Variants in SPOCK3 observed in about 807,000 individuals in gnomAD.
SPOCK3 encodes the protein SPARC (osteonectin), cwcv and kazal like domains proteoglycan 3, also known as testican-3.
A neutral mutation model predicts 56.6 loss-of-function variants in SPOCK3; 30 were observed. The observed-to-expected ratio is 0.53, with a 90% CI of 0.40 to 0.72. The LOEUF is 0.72. SPOCK3 is among the 30% of genes least tolerant of loss of function. The pLI, the probability that SPOCK3 is intolerant of heterozygous loss-of-function variation, is 0.00. For synonymous variants in SPOCK3, 196 were observed against 183.3 expected, an observed-to-expected ratio of 1.07 and a Z score of -0.56; for missense variants, 527 against 530.0, an observed-to-expected ratio of 0.99 and a Z score of 0.06.
At chr4:166,883,256 G>T (rs536738271) in intron 6 of SPOCK3, 1 of 152,204 alleles carries the variant, frequency 6.6e-6, no homozygotes, top group East Asian at 1.9e-4. Flanking sequence ...GGGTTCCATA[G>T]CACTCAGAGT....
intron 6 of SPOCK3, among the ~76,000 whole-genome samples, chr4:166,795,312 A>C (rs1741818145): frequency 6.6e-6 from 1 of 152,176 alleles, no homozygotes; most frequent in Non-Finnish European, 1.5e-5. Context: ...CTACACAGAA[A>C]TACTGTATAG....
intron 6 of SPOCK3, among the ~76,000 whole-genome samples, chr4:166,881,146 G>T (rs1462373213): frequency 1.3e-5 from 2 of 151,808 alleles, no homozygotes; most frequent in Non-Finnish European, 2.9e-5. Flanking sequence ...TTTTACTTTT[G>T]TAATGTTTTT....
intron 2 of SPOCK3, among the ~76,000 whole-genome samples, chr4:167,222,535 G>GAACCTATAACATGTGTATGTTATATATAT (rs1736043302): frequency 7.1e-6 from 1 of 140,214 alleles, no homozygotes. Flanking sequence ...GTATGTTATA[G>GAACCTATAACATGTGTATGTTATATATAT]ATTCATATAT....
At chr4:167,012,235 G>T (rs957959561) in intron 3 of SPOCK3, among the ~76,000 whole-genome samples, 1 of 151,914 alleles carries the variant, frequency 6.6e-6, no homozygotes, top group African/African-American at 2.4e-5. Flanking sequence ...GTTGTCAAGT[G>T]TTAAAAATTA....
chr4:167,035,238 G>A (rs1752632909), intron 3 of SPOCK3, among the ~76,000 whole-genome samples: 1 of 152,068 alleles, frequency 6.6e-6, no homozygotes, highest in African/African-American at 2.4e-5. Context: ...ACCTGATGTA[G>A]CAGTACTTTT....
intron 5 of SPOCK3, among the ~76,000 whole-genome samples, chr4:166,910,272 A>G (rs1579617746): frequency 6.6e-6 from 1 of 152,294 alleles, no homozygotes; most frequent in East Asian, 1.9e-4. Context: ...ATTCACTTGA[A>G]GCATGCTTTT....
At chr4:166,868,725 C>G (rs1383476548) in intron 6 of SPOCK3, among the ~76,000 whole-genome samples, 1 of 152,020 alleles carries the variant, frequency 6.6e-6, no homozygotes, top group Non-Finnish European at 1.5e-5. Flanking sequence ...CAAACTATAT[C>G]AATATAATTT....
chr4:166,908,822 A>G (rs373388737), intron 5 of SPOCK3, among the ~76,000 whole-genome samples: 1 of 152,078 alleles, frequency 6.6e-6, no homozygotes, highest in Non-Finnish European at 1.5e-5. Context: ...ATTGAAGAAC[A>G]TTCCTAGTTC....
intron 4 of SPOCK3, among the ~76,000 whole-genome samples, chr4:166,945,145 T>A (rs1279902636): frequency 6.6e-6 from 1 of 152,160 alleles, no homozygotes; most frequent in Non-Finnish European, 1.5e-5. Flanking sequence ...CAACCATTAC[T>A]GCAAGAAGCC....
At chr4:167,137,508 T>C (rs1426142788) in intron 2 of SPOCK3, among the ~76,000 whole-genome samples, 1 of 151,986 alleles carries the variant, frequency 6.6e-6, no homozygotes, top group Non-Finnish European at 1.5e-5. Context: ...ATTAATTCTT[T>C]GGACAAAATT....
chr4:167,142,984 G>A (rs1392631176), intron 2 of SPOCK3, among the ~76,000 whole-genome samples: 1 of 151,886 alleles, frequency 6.6e-6, no homozygotes, highest in Non-Finnish European at 1.5e-5. Flanking sequence ...TTAATAGTTA[G>A]CAACTTTCCC....
intron 4 of SPOCK3, among the ~76,000 whole-genome samples, chr4:166,955,861 C>T (rs2150047659): frequency 6.6e-6 from 1 of 151,804 alleles, no homozygotes; most frequent in East Asian, 1.9e-4. Context: ...ATAGATGTCC[C>T]TATCTCTCTT....
intron 2 of SPOCK3, among the ~76,000 whole-genome samples, chr4:167,221,231 G>A (rs561265329): frequency 6.6e-5 from 10 of 151,858 alleles, no homozygotes; most frequent in Non-Finnish European, 1.3e-4. Context: ...AGCCACACAT[G>A]GTGGTACATG....
In SPOCK3 at chr4:167,189,973, T is replaced by C. The variant is rs572489431; in HGVS notation, c.189+44012A>G. ...TCACCTATGAAAATATTTCCTCTTT[T>C]TGGCTGAATAATATTCCATTGTACA... On this transcript the variant is annotated intron_variant, in intron 2 of 10. Transcript: ENST00000357545. 3.2e-3 allele frequency among the ~76,000 whole-genome samples: 464 copies of C among 146,158 alleles called. 39 individuals carry two copies. The highest frequency in any genetic ancestry group is 0.014 in the Middle Eastern group (4 of 290).
Position 166,997,357 on chromosome 4 carries a change from T to G in SPOCK3, c.350+2992A>C, listed in dbSNP as rs574636494. Among the ~76,000 whole-genome samples the G allele has an allele frequency of 2.6e-5, 4 of 152,262 alleles. No homozygotes were observed. The South Asian group carries it at 8.3e-4, about 32-fold the overall frequency. ...ATATTTAAAAATCCTCCTTTTCCTT[T>G]TATTTGATAAATCATGCATTCATTT... is the stretch of plus-strand genomic sequence containing the variant. On this transcript the variant is annotated intron_variant, in intron 4 of 10. Coordinates refer to ENST00000357545, the MANE Select transcript of SPOCK3 (RefSeq NM_001040159.2).
At chr4:167,050,648 T>C (rs1754114937) in intron 3 of SPOCK3, among the ~76,000 whole-genome samples, 1 of 152,154 alleles carries the variant, frequency 6.6e-6, no homozygotes. Context: ...GTAACATAAG[T>C]GTCTATGGAT....
chr4:167,064,815 G>A, intron 2 of SPOCK3, among the ~76,000 whole-genome samples: 1 of 151,548 alleles, frequency 6.6e-6, no homozygotes, highest in Non-Finnish European at 1.5e-5. Context: ...GGAGATATTG[G>A]GATTAGTTAT....
intron 3 of SPOCK3, among the ~76,000 whole-genome samples, chr4:167,000,838 G>T (rs765181089): frequency 2.2e-4 from 33 of 152,120 alleles, no homozygotes; most frequent in Non-Finnish European, 4.7e-4. Flanking sequence ...CTATACCCTT[G>T]CTTTCCCGAG....
In SPOCK3 at chr4:166,892,361, A is replaced by T. The variant is rs940273432; in HGVS notation, c.475-3117T>A. 2.0e-5 allele frequency among the ~76,000 whole-genome samples: 3 copies of T among 151,976 alleles called. No homozygotes were observed. In the South Asian group the frequency reaches 6.2e-4, roughly 31 times the overall value. On this transcript the variant is annotated intron_variant, in intron 5 of 10. Coordinates refer to ENST00000357545, the MANE Select transcript of SPOCK3 (RefSeq NM_001040159.2). ...TATGCATTTCTATAAAGAATAACAG[A>T]ATCAGATGTATAGCAAATATGCCCT...
Sources: allele counts gnomAD v4.1 joint callset (sites outside exome capture counted in the v4.1 genomes callset), GRCh38; gene constraint gnomAD v4.1.1; transcripts MANE v1.5; gene names NCBI Gene and HGNC (gene_info 2026-07-23, HGNC 2026-07-21).